The following DAB1 variants were observed in gnomAD, a reference collection of about 807,000 sequenced individuals.
The protein encoded by DAB1 is DAB adaptor protein 1.
In DAB1, 15 loss-of-function variants were observed where a neutral mutation model predicts 64.6. The ratio of observed to expected loss-of-function variants is 0.23; its 90% CI spans 0.16 to 0.36. DAB1 has a LOEUF of 0.36. Among genes scored for constraint, DAB1 ranks in the 10% least tolerant of loss-of-function variants. The pLI, the probability that DAB1 is intolerant of heterozygous loss-of-function variation, is 1.00. For synonymous variants in DAB1, 235 were observed against 251.9 expected (o/e 0.93, Z 0.64); for missense variants, 596 against 706.7 (o/e 0.84, Z 1.78).
chr1:57,243,339 G>A (rs571199289), intron 2 of DAB1, among the ~76,000 whole-genome samples: 1 of 152,296 alleles, frequency 6.6e-6, no homozygotes, highest in African/African-American at 2.4e-5. Flanking sequence ...AAGATTAGTG[G>A]TTAATGGTGC....
chr1:58,266,752 G>T (rs926279187), intron 4 of DAB1, among the ~76,000 whole-genome samples: 1 of 152,182 alleles, frequency 6.6e-6, no homozygotes, highest in Non-Finnish European at 1.5e-5. Context: ...AATAGTAAAT[G>T]ATTATATGAA....
intron 4 of DAB1, among the ~76,000 whole-genome samples, chr1:58,291,599 T>C (rs1278671341): frequency 6.6e-6 from 1 of 152,224 alleles, no homozygotes; most frequent in Non-Finnish European, 1.5e-5. Context: ...ATGTGATCAA[T>C]AACAACAGCA....
intron 4 of DAB1, among the ~76,000 whole-genome samples, chr1:57,099,840 T>C (rs189986730): frequency 1.3e-5 from 2 of 152,242 alleles, no homozygotes; most frequent in East Asian, 3.9e-4. Context: ...GAATTGATGG[T>C]AAAGAAAAGG....
intron 11 of DAB1, among the ~76,000 whole-genome samples, chr1:57,018,472 G>C (rs1646505452): frequency 6.6e-6 from 1 of 152,106 alleles, no homozygotes; most frequent in Non-Finnish European, 1.5e-5. Context: ...ACTACAGTTA[G>C]AGAATTATAT....
At chr1:57,034,614 T>G (rs1647079513) in intron 9 of DAB1, among the ~76,000 whole-genome samples, 1 of 152,224 alleles carries the variant, frequency 6.6e-6, no homozygotes, top group Admixed American at 6.5e-5. Flanking sequence ...TTGTTTATAT[T>G]ACACATTATA....
chr1:57,593,843 TA>T (rs145916849), intron 7 of DAB1, among the ~76,000 whole-genome samples: 1,836 of 152,344 alleles, frequency 0.012, 18 homozygotes, highest in Non-Finnish European at 0.018. Context: ...TCTTTACAAC[TA>T]GGAATCTTAG....
chr1:57,385,684 T>C (rs1225746769), intron 1 of DAB1, among the ~76,000 whole-genome samples: 2 of 152,114 alleles, frequency 1.3e-5, no homozygotes, highest in Non-Finnish European at 2.9e-5. Flanking sequence ...GGGTGAAATA[T>C]AGGCATTAAG....
At chr1:58,341,355 T>C (rs894527775) in intron 4 of DAB1, among the ~76,000 whole-genome samples, 3 of 152,174 alleles carry the variant, frequency 2.0e-5, no homozygotes, top group African/African-American at 7.2e-5. Flanking sequence ...AATTGACACC[T>C]ACTTAGAAGC....
At chr1:57,939,705 A>C (rs1184694292) in intron 5 of DAB1, among the ~76,000 whole-genome samples, 1 of 152,200 alleles carries the variant, frequency 6.6e-6, no homozygotes, top group Non-Finnish European at 1.5e-5. Flanking sequence ...GATGTTGAAC[A>C]AATTTGTGCC....
At chr1:58,312,879 T>C (rs905981811) in intron 4 of DAB1, among the ~76,000 whole-genome samples, 5 of 151,908 alleles carry the variant, frequency 3.3e-5, no homozygotes, top group Non-Finnish European at 7.3e-5. Context: ...ATGAATAGCA[T>C]TATTATGAAG....
In DAB1 at chr1:58,340,896, T is replaced by G. The variant is rs1227536438; in HGVS notation, n.309+2456A>C. ...GAAAAACTTGGTACATAGGAGGTGCTAGAAAAGGATAAATGTCGAGAATGT... is the reference window on the plus strand; with the variant it reads ...GAAAAACTTGGTACATAGGAGGTGCGAGAAAAGGATAAATGTCGAGAATGT... On this transcript the variant is annotated intron_variant and non_coding_transcript_variant, in intron 4 of 20. Transcript: ENST00000485760. 1.3e-3 allele frequency among the ~76,000 whole-genome samples: 195 copies of G among 152,338 alleles called. 2 individuals carry two copies. In the East Asian group the frequency reaches 0.033, roughly 26 times the overall value.
At chr1:58,490,214 T>G (rs1004020434) in intron 3 of DAB1, among the ~76,000 whole-genome samples, 9 of 152,088 alleles carry the variant, frequency 5.9e-5, no homozygotes, top group Non-Finnish European at 1.0e-4. Flanking sequence ...GACGAATGAC[T>G]AACTAGAATA....
At chr1:58,372,000 T>G (rs1440514204) in intron 3 of DAB1, among the ~76,000 whole-genome samples, 1 of 152,188 alleles carries the variant, frequency 6.6e-6, no homozygotes, top group African/African-American at 2.4e-5. Flanking sequence ...AGAGCAGAAA[T>G]GTGGGGTTGG....
intron 2 of DAB1, among the ~76,000 whole-genome samples, chr1:57,228,273 G>T (rs549674944): frequency 2.0e-5 from 3 of 152,048 alleles, no homozygotes; most frequent in Non-Finnish European, 2.9e-5. Context: ...ACCCACACAC[G>T]TTAGAATTTT....
intron 5 of DAB1, among the ~76,000 whole-genome samples, chr1:57,914,052 G>A (rs374464327): frequency 6.6e-6 from 1 of 152,274 alleles, no homozygotes. Flanking sequence ...CCTCAGGGAT[G>A]TAGAACTAGA....
At chr1:58,089,865 C>A (rs1650534818) in intron 5 of DAB1, among the ~76,000 whole-genome samples, 1 of 152,210 alleles carries the variant, frequency 6.6e-6, no homozygotes, top group South Asian at 2.1e-4. Context: ...GGGCCACCAT[C>A]CGCTGGGGGC....
At chr1:57,803,526 A>G (rs1245976258) in intron 6 of DAB1, among the ~76,000 whole-genome samples, 1 of 152,208 alleles carries the variant, frequency 6.6e-6, no homozygotes, top group African/African-American at 2.4e-5. Flanking sequence ...GCATATGTGG[A>G]GGGACAAACA....
intron 3 of DAB1, among the ~76,000 whole-genome samples, chr1:58,445,345 G>A (rs1366689252): frequency 2.0e-5 from 3 of 152,134 alleles, no homozygotes; most frequent in Admixed American, 6.5e-5. Flanking sequence ...CCCACCTTAC[G>A]GAGGAAGACA....
At position 58,102,070 on chromosome 1, in the gene DAB1, A is replaced by G. The variant is rs1213706361; in HGVS notation, n.387+48441T>C. Among the ~76,000 whole-genome samples the G allele has an allele frequency of 2.6e-5, 4 of 152,218 alleles. No homozygotes were observed. In the South Asian group the frequency reaches 8.3e-4, roughly 32 times the overall value. On this transcript the variant is annotated intron_variant and non_coding_transcript_variant, in intron 5 of 20. Transcript: ENST00000485760. Reference sequence around the variant, plus strand: ...ATGCTCTTCTGAGTGCTTTTCATGTATTAACTTATTCAATGCCCAATTCAG... The same window carrying G: ...ATGCTCTTCTGAGTGCTTTTCATGTGTTAACTTATTCAATGCCCAATTCAG...
Sources: gnomAD v4.1 joint callset for allele counts (sites outside exome capture counted in the v4.1 genomes callset) on GRCh38, gnomAD v4.1.1 for gene constraint, MANE v1.5 for transcripts, NCBI Gene and HGNC (gene_info 2026-07-23, HGNC 2026-07-21) for gene names.